The following TRHDE variants were observed in gnomAD, a reference collection of about 807,000 sequenced individuals.
TRHDE encodes the protein thyrotropin-releasing hormone-degrading ectoenzyme.
TRHDE carries 72 observed loss-of-function variants against 125.7 expected under a neutral mutation model. The observed-to-expected ratio is 0.57, with a 90% CI of 0.47 to 0.70. The LOEUF is 0.70. Among genes scored for constraint, TRHDE ranks in the 30% least tolerant of loss-of-function variants. TRHDE has a pLI of 0.00. For synonymous variants in TRHDE, 509 were observed against 509.1 expected (o/e 1.00, Z 0.00); for missense variants, 1,110 against 1,327.1 (o/e 0.84, Z 2.54).
intron 3 of TRHDE, among the ~76,000 whole-genome samples, chr12:72,461,633 C>T (rs1337075556): frequency 2.7e-5 from 4 of 149,788 alleles, no homozygotes; most frequent in African/African-American, 9.8e-5. Flanking sequence ...TTTTTTTTAG[C>T]CTACTATGCC....
intron 2 of TRHDE, among the ~76,000 whole-genome samples, chr12:72,371,627 T>A (rs1871595721): frequency 6.6e-6 from 1 of 151,180 alleles, no homozygotes; most frequent in Non-Finnish European, 1.5e-5. Flanking sequence ...CATCTATGAG[T>A]GAGAACATGT....
At chr12:72,500,743 C>A (rs1347219283) in intron 6 of TRHDE, among the ~76,000 whole-genome samples, 1 of 151,818 alleles carries the variant, frequency 6.6e-6, no homozygotes, top group South Asian at 2.1e-4. Context: ...TCATGAATAA[C>A]CGCATGGAAA....
intron 7 of TRHDE, chr12:72,560,606 G>C (rs1178482350): frequency 6.6e-6 from 1 of 152,086 alleles, no homozygotes; most frequent in Non-Finnish European, 1.5e-5. Flanking sequence ...AGACTAGCTC[G>C]AGCCCAGGAG....
intron 6 of TRHDE, among the ~76,000 whole-genome samples, chr12:72,533,896 C>A (rs747980491): frequency 1.3e-5 from 2 of 151,948 alleles, no homozygotes; most frequent in Admixed American, 6.6e-5. Flanking sequence ...TCTTTGAATA[C>A]TTTTTGGTCT....
intron 5 of TRHDE, among the ~76,000 whole-genome samples, chr12:72,495,055 C>T (rs868560841): frequency 8.2e-6 from 1 of 122,358 alleles, no homozygotes; most frequent in Non-Finnish European, 1.7e-5. Flanking sequence ...AATAGTTCCT[C>T]CCCCGTTTTT....
At chr12:72,444,607 A>G (rs1013183932) in intron 3 of TRHDE, among the ~76,000 whole-genome samples, 2 of 151,866 alleles carry the variant, frequency 1.3e-5, no homozygotes, top group African/African-American at 4.8e-5. Context: ...TAAAATACCT[A>G]CTGTCCTAAT....
rs1879354518 is a variant in TRHDE, at chr12:72,273,610, C to A, written c.914+53C>A. 11 of 1,509,306 alleles carry A rather than the reference C, an allele frequency of 7.3e-6. No individual in the cohort carries two copies. In the South Asian group the frequency reaches 1.0e-4, roughly 14 times the overall value. 93.5% of individuals were successfully genotyped at this position (1,509,306 alleles called of 1,614,324 possible). On this transcript the variant is annotated intron_variant, in intron 1 of 18. Transcript: ENST00000261180. This position sits in a 1 kb window ranked among gnomAD's most constrained non-coding sequence, Gnocchi z 5.3. ...GCCCCACCCCGGCGCGCGGCTCGAA[C>A]CTCTGGGCGGCCTGCGACCCCGGGG...
At chr12:72,154,074 G>A (rs193249341) in intron 2 of TRHDE, among the ~76,000 whole-genome samples, 1 of 152,124 alleles carries the variant, frequency 6.6e-6, no homozygotes, top group African/African-American at 2.4e-5. Context: ...ATGAATCTGG[G>A]TGCTCCTATA....
At chr12:72,522,844 A>G (rs1868271621) in intron 6 of TRHDE, among the ~76,000 whole-genome samples, 2 of 152,134 alleles carry the variant, frequency 1.3e-5, no homozygotes, top group Non-Finnish European at 2.9e-5. Context: ...AATGAAGATC[A>G]TGGAGAGTAA....
intron 2 of TRHDE, among the ~76,000 whole-genome samples, chr12:72,196,436 C>T (rs1011906626): frequency 6.6e-6 from 1 of 152,042 alleles, no homozygotes; most frequent in South Asian, 2.1e-4. Flanking sequence ...ATAGAGCTTT[C>T]ACCTCCTTTG....
rs767479640 is a variant in TRHDE at position 72,663,022 on chromosome 12, GA to G, written c.3067-29del. ...ACATGAGTTCTTTTTAAGACAGGCA[GA>G]TTTACCATTTAAAAATTTCTCTTTC... is the stretch of plus-strand genomic sequence containing the variant. On this transcript the variant is annotated intron_variant, in intron 18 of 18. Coordinates refer to ENST00000261180, the MANE Select transcript of TRHDE (RefSeq NM_013381.3). 3.8e-6 allele frequency: 6 copies of G among 1,590,470 alleles called. No individual in the cohort carries two copies. In the African/African-American group the frequency reaches 8.1e-5, roughly 22 times the overall value.
intron 1 of TRHDE, among the ~76,000 whole-genome samples, chr12:72,279,103 C>T (rs1045312493): frequency 6.6e-6 from 1 of 152,146 alleles, no homozygotes; most frequent in Admixed American, 6.5e-5. Context: ...GTTTGGTTTG[C>T]ACAACATGTT....
intron 2 of TRHDE, among the ~76,000 whole-genome samples, chr12:72,124,993 C>A (rs1048195763): frequency 1.3e-5 from 2 of 152,082 alleles, no homozygotes; most frequent in African/African-American, 2.4e-5. Context: ...AATGTTGAGT[C>A]ATTATTGTAT....
At chr12:72,288,671 T>C (rs1879980282) in intron 2 of TRHDE, among the ~76,000 whole-genome samples, 1 of 152,168 alleles carries the variant, frequency 6.6e-6, no homozygotes, top group African/African-American at 2.4e-5. Flanking sequence ...AATTCTTTTT[T>C]CTAGTATGTT....
intron 4 of TRHDE, among the ~76,000 whole-genome samples, chr12:72,472,709 C>G (rs1876706787): frequency 6.6e-6 from 1 of 152,176 alleles, no homozygotes; most frequent in South Asian, 2.1e-4. Context: ...TGGTTTGTCC[C>G]TTGTAGGGTC....
chr12:72,339,467 C>T (rs528278849), intron 2 of TRHDE, among the ~76,000 whole-genome samples: 114 of 152,200 alleles, frequency 7.5e-4, no homozygotes, highest in Middle Eastern at 3.4e-3. Context: ...AGACCGTTTA[C>T]GTTTTTTGGG....
chr12:72,285,603 C>T (rs1431804573), intron 1 of TRHDE, among the ~76,000 whole-genome samples: 1 of 150,742 alleles, frequency 6.6e-6, no homozygotes, highest in Non-Finnish European at 1.5e-5. Context: ...TCACTGCAAC[C>T]TCTGCCTCCC....
chr12:72,657,738 T>C (rs1383114150), intron 18 of TRHDE, among the ~76,000 whole-genome samples: 1 of 152,080 alleles, frequency 6.6e-6, no homozygotes, highest in Non-Finnish European at 1.5e-5. Flanking sequence ...ACCTCACTAA[T>C]ATAGAGAGAT....
chr12:72,359,762 C>A lies in TRHDE; in HGVS notation c.1189-18233C>A, dbSNP rs1870984442. On this transcript the variant is annotated intron_variant, in intron 2 of 18. Transcript: ENST00000261180. ...AGTGCTAGCAACATTTACAATAAGACTTTGTGTATAAGTGTGGAAAATTAT... is the reference window on the plus strand; with the variant it reads ...AGTGCTAGCAACATTTACAATAAGAATTTGTGTATAAGTGTGGAAAATTAT... Among the ~76,000 whole-genome samples, 7 of 151,636 alleles carry A rather than the reference C, an allele frequency of 4.6e-5. 1 individual carries two copies. The South Asian group carries it at 1.5e-3, about 31-fold the overall frequency.
Sources: gnomAD v4.1 joint callset for allele counts (sites outside exome capture counted in the v4.1 genomes callset) on GRCh38, gnomAD v4.1.1 for gene constraint, Gnocchi (gnomAD v3.1) non-coding constraint, MANE v1.5 for transcripts, NCBI Gene and HGNC (gene_info 2026-07-23, HGNC 2026-07-21) for gene names.